The following TAS2R1 variants were observed in gnomAD, a reference collection of about 807,000 sequenced individuals.
TAS2R1 encodes the protein taste 2 receptor member 1, also known as taste receptor type 2 member 1.
For synonymous variants in TAS2R1, 141 were observed against 134.2 expected (o/e 1.05, Z -0.35); for missense variants, 370 against 353.4 (o/e 1.05, Z -0.38).
At chr5:9,796,700 G>A in the TAS2R1 span, among the ~76,000 whole-genome samples, 5 of 124,092 alleles carry the variant, frequency 4.0e-5, no homozygotes, top group East Asian at 7.5e-4. Context: ...AGTCTTTGGC[G>A]CAGAAAATAG....
chr5:9,717,054 G>A (rs1309500250), upstream of TAS2R1, among the ~76,000 whole-genome samples: 1 of 152,172 alleles, frequency 6.6e-6, no homozygotes, highest in African/African-American at 2.4e-5. Flanking sequence ...GATGCAGAGA[G>A]CAGAGAGGGA....
At chr5:9,882,611 G>A in the TAS2R1 span, among the ~76,000 whole-genome samples, 1 of 152,130 alleles carries the variant, frequency 6.6e-6, no homozygotes, top group African/African-American at 2.4e-5. Context: ...AGGTGACAGA[G>A]CAAAACTCTT....
the TAS2R1 span, among the ~76,000 whole-genome samples, chr5:9,832,066 C>G: frequency 2.6e-5 from 4 of 152,180 alleles, no homozygotes; most frequent in African/African-American, 7.2e-5. Context: ...TCTACATAAC[C>G]TGTTATCAAG....
At chr5:9,819,293 C>T in the TAS2R1 span, among the ~76,000 whole-genome samples, 3,699 of 152,248 alleles carry the variant, frequency 0.024, 162 homozygotes, top group African/African-American at 0.084. Context: ...TCGAGGTCAC[C>T]ATCGCTCAGA....
chr5:9,742,288 A>G, the TAS2R1 span, among the ~76,000 whole-genome samples: 1 of 152,180 alleles, frequency 6.6e-6, no homozygotes, highest in African/African-American at 2.4e-5. Context: ...TCATTCACCC[A>G]CTGAGAATCA....
Position 9,661,750 on chromosome 5 carries a change from T to G in TAS2R1, c.-241-2169A>C, listed in dbSNP as rs76034480. Among the ~76,000 whole-genome samples, 1,416 of 152,302 alleles carry G rather than the reference T, an allele frequency of 9.3e-3. 24 individuals carry two copies. Among genetic ancestry groups the G allele is most frequent in the African/African-American group, 0.033 (1,353 of 41,558 alleles). ...ATCTAGCCTGGTGATAAGAACTAAT[T>G]TGATGTATACATATATCAGTGTGTG... On this transcript the variant is annotated intron_variant, in intron 1 of 2. Transcript: ENST00000506620.
chr5:9,668,429 C>G (rs138410909), intron 1 of TAS2R1, among the ~76,000 whole-genome samples: 124 of 152,200 alleles, frequency 8.1e-4, no homozygotes, highest in African/African-American at 2.9e-3. Context: ...AGATACCTTA[C>G]AAGATGGCAA....
chr5:9,651,912 C>T lies in TAS2R1; in HGVS notation c.-81+7509G>A, dbSNP rs557317044. Among the ~76,000 whole-genome samples the T allele has an allele frequency of 3.3e-5, 5 of 152,288 alleles. No individual in the cohort carries two copies. The East Asian group carries it at 7.7e-4, about 24-fold the overall frequency. ...CTGGGCGTCCATCTCCCCATCTGTA[C>T]CAGTGGCACACATCACTGTTCCATT... On this transcript the variant is annotated intron_variant, in intron 2 of 2. Transcript: ENST00000506620.
chr5:9,669,071 T>G (rs1211594146), intron 1 of TAS2R1, among the ~76,000 whole-genome samples: 3 of 152,120 alleles, frequency 2.0e-5, no homozygotes, highest in Non-Finnish European at 4.4e-5. Context: ...AGAGAAACAC[T>G]GGCAAAGCAA....
intron 1 of TAS2R1, among the ~76,000 whole-genome samples, chr5:9,667,631 G>A (rs1189031309): frequency 6.6e-6 from 1 of 152,118 alleles, no homozygotes; most frequent in African/African-American, 2.4e-5. Flanking sequence ...CCCAACAAAA[G>A]AAATGTGGGC....
the TAS2R1 span, among the ~76,000 whole-genome samples, chr5:9,857,712 T>C: frequency 6.6e-6 from 1 of 152,210 alleles, no homozygotes; most frequent in Non-Finnish European, 1.5e-5. Context: ...TGTCTCGTTA[T>C]TGGTTTTTTG....
At chr5:9,650,448 C>G (rs1462067778) in intron 2 of TAS2R1, among the ~76,000 whole-genome samples, 2 of 152,040 alleles carry the variant, frequency 1.3e-5, no homozygotes, top group Non-Finnish European at 2.9e-5. Flanking sequence ...ACAGTGTTAC[C>G]TGGATTCTCT....
At chr5:9,809,788 A>C in the TAS2R1 span, among the ~76,000 whole-genome samples, 1 of 152,214 alleles carries the variant, frequency 6.6e-6, no homozygotes, top group Non-Finnish European at 1.5e-5. Context: ...AATGCCAATG[A>C]AGACCTTCAT....
chr5:9,773,565 A>T, the TAS2R1 span, among the ~76,000 whole-genome samples: 1 of 152,144 alleles, frequency 6.6e-6, no homozygotes, highest in Non-Finnish European at 1.5e-5. Flanking sequence ...CTTTTCTTTC[A>T]GACTGAAGAA....
chr5:9,806,678 G>A, the TAS2R1 span, among the ~76,000 whole-genome samples: 1 of 152,074 alleles, frequency 6.6e-6, no homozygotes, highest in East Asian at 1.9e-4. Context: ...AATGGTGCTG[G>A]GACAATTGGC....
At chr5:9,824,752 CAGG>C in the TAS2R1 span, among the ~76,000 whole-genome samples, 1 of 149,046 alleles carries the variant, frequency 6.7e-6, no homozygotes, top group African/African-American at 2.5e-5. Flanking sequence ...GAGTTTGAGG[CAGG>C]AGAATAGCTT....
At chr5:9,900,684 G>A in the TAS2R1 span, among the ~76,000 whole-genome samples, 1 of 145,590 alleles carries the variant, frequency 6.9e-6, no homozygotes, top group Admixed American at 7.0e-5. Context: ...GCAGTGGCGT[G>A]ATCTCGGCTC....
At chr5:9,732,215 G>A in the TAS2R1 span, among the ~76,000 whole-genome samples, 1 of 152,172 alleles carries the variant, frequency 6.6e-6, no homozygotes, top group Non-Finnish European at 1.5e-5. Flanking sequence ...CAAGAGCCAA[G>A]GCCCTGAAGC....
the TAS2R1 span, among the ~76,000 whole-genome samples, chr5:9,779,388 C>T: frequency 1.3e-5 from 2 of 152,298 alleles, no homozygotes; most frequent in Admixed American, 1.3e-4. Flanking sequence ...GTCAGGTATT[C>T]CTTTATAGCA....
Sources: gnomAD v4.1 joint callset for allele counts (sites outside exome capture counted in the v4.1 genomes callset) on GRCh38, gnomAD v4.1.1 for gene constraint, MANE v1.5 for transcripts, NCBI Gene and HGNC (gene_info 2026-07-23, HGNC 2026-07-21) for gene names.